Variants in HDAC9 observed in about 807,000 individuals in gnomAD.
HDAC9 encodes the protein histone deacetylase 9, also known as MEF-2 interacting transcription repressor (MITR) protein.
HDAC9 carries 41 observed loss-of-function variants against 139.4 expected under a neutral mutation model. That is an observed-to-expected ratio of 0.29 (90% CI 0.23 to 0.38). HDAC9 has a LOEUF of 0.38. Among genes scored for constraint, HDAC9 ranks in the 10% least tolerant of loss-of-function variants. The pLI is 1.00. For synonymous variants in HDAC9, 517 were observed against 476.2 expected (o/e 1.09, Z -1.12); for missense variants, 1,147 against 1,297.0 (o/e 0.88, Z 1.78).
At chr7:18,864,066 T>C (rs1265930162) in intron 21 of HDAC9, among the ~76,000 whole-genome samples, 3 of 152,334 alleles carry the variant, frequency 2.0e-5, no homozygotes, top group African/African-American at 7.2e-5. Flanking sequence ...ACATAGTAAC[T>C]GCACCATTTT....
At chr7:18,556,926 G>A (rs1263169676) in intron 2 of HDAC9, among the ~76,000 whole-genome samples, 1 of 151,908 alleles carries the variant, frequency 6.6e-6, no homozygotes, top group Non-Finnish European at 1.5e-5. Flanking sequence ...TTGCTTATTG[G>A]TTTATTCAGT....
chr7:18,828,523 A>C (rs1795620731), intron 17 of HDAC9, among the ~76,000 whole-genome samples: 1 of 152,222 alleles, frequency 6.6e-6, no homozygotes, highest in African/African-American at 2.4e-5. Flanking sequence ...AAAATTCCAG[A>C]ATGCAGGCTA....
chr7:18,195,272 C>T (rs1790644067), intron 2 of HDAC9, among the ~76,000 whole-genome samples: 1 of 152,024 alleles, frequency 6.6e-6, no homozygotes, highest in African/African-American at 2.4e-5. Context: ...ATTTTGGAGT[C>T]AAGAATTTAT....
At chr7:18,734,211 A>G (rs1786668060) in intron 13 of HDAC9, among the ~76,000 whole-genome samples, 1 of 152,084 alleles carries the variant, frequency 6.6e-6, no homozygotes, top group Non-Finnish European at 1.5e-5. Flanking sequence ...ATTATTATAT[A>G]TTATAGTGAT....
At position 18,997,254 on chromosome 7, in the gene HDAC9, G is replaced by A. The variant is rs1405243499; in HGVS notation, c.*1192G>A. 1.3e-5 allele frequency: 2 copies of A among 149,882 alleles called. No individual in the cohort carries two copies. The highest frequency in any genetic ancestry group is 3.0e-5 in the Non-Finnish European group (2 of 67,722). The allele number at this position is 149,882 out of a possible 1,614,324, so 9.3% of individuals were successfully genotyped here. A position where few individuals can be genotyped will look rare whatever the true frequency, so the allele number is the denominator to read the frequency against. ...GTGTTAATGAAGGCACTGCTTATTT[G>A]TAGTCACCTTGAACTGACTTAACCT... On this transcript the variant is annotated 3_prime_UTR_variant, in exon 26 of 26. Transcript: ENST00000686413.
intron 6 of HDAC9, among the ~76,000 whole-genome samples, chr7:18,626,760 G>C (rs1216807831): frequency 6.6e-6 from 1 of 152,162 alleles, no homozygotes; most frequent in Non-Finnish European, 1.5e-5. Flanking sequence ...AGGAGTGAAA[G>C]CTATCTGCTG....
At chr7:18,811,532 T>A (rs1204810690) in intron 17 of HDAC9, among the ~76,000 whole-genome samples, 2 of 151,798 alleles carry the variant, frequency 1.3e-5, no homozygotes, top group African/African-American at 4.8e-5. Context: ...TACTTGGGCA[T>A]TTTTTCAGCT....
At chr7:18,791,874 C>G (rs573211617) in intron 16 of HDAC9, among the ~76,000 whole-genome samples, 4 of 152,094 alleles carry the variant, frequency 2.6e-5, no homozygotes, top group Non-Finnish European at 5.9e-5. Context: ...TCACTAAAAT[C>G]GTATGCAGAT....
At chr7:18,955,071 G>A (rs1783056989) in intron 24 of HDAC9, among the ~76,000 whole-genome samples, 1 of 151,968 alleles carries the variant, frequency 6.6e-6, no homozygotes, top group Admixed American at 6.6e-5. Context: ...TGTGACTGAG[G>A]GCTATATGTA....
At chr7:18,709,913 G>T (rs906772904) in intron 12 of HDAC9, among the ~76,000 whole-genome samples, 1 of 152,132 alleles carries the variant, frequency 6.6e-6, no homozygotes, top group Admixed American at 6.5e-5. Flanking sequence ...ACACTCAGGG[G>T]TGTCTTCTGA....
intron 1 of HDAC9, among the ~76,000 whole-genome samples, chr7:18,125,484 C>G (rs533279992): frequency 7.9e-5 from 12 of 151,922 alleles, no homozygotes; most frequent in Non-Finnish European, 1.3e-4. Flanking sequence ...TGAGGACTGG[C>G]TCATGATATA....
At chr7:18,571,611 A>T (rs956846204) in intron 2 of HDAC9, among the ~76,000 whole-genome samples, 22 of 151,732 alleles carry the variant, frequency 1.4e-4, no homozygotes, top group Non-Finnish European at 4.4e-5. Context: ...TTAAAACTTT[A>T]TTTTATTTTT....
chr7:18,174,238 A>G (rs1339971840), intron 2 of HDAC9, among the ~76,000 whole-genome samples: 1 of 152,048 alleles, frequency 6.6e-6, no homozygotes, highest in Non-Finnish European at 1.5e-5. Context: ...ACTTGATCGA[A>G]TCGGCTATTG....
intron 22 of HDAC9, among the ~76,000 whole-genome samples, chr7:18,894,768 C>T (rs1472889769): frequency 2.0e-5 from 3 of 151,994 alleles, no homozygotes; most frequent in Non-Finnish European, 4.4e-5. Context: ...AAAATTGATG[C>T]TGCTGTAAAA....
chr7:18,371,492 T>G (rs772263398), intron 1 of HDAC9, among the ~76,000 whole-genome samples: 1 of 152,194 alleles, frequency 6.6e-6, no homozygotes, highest in Non-Finnish European at 1.5e-5. Flanking sequence ...TAGTATAAGA[T>G]AGTCTATTTT....
intron 2 of HDAC9, among the ~76,000 whole-genome samples, chr7:18,542,290 G>T (rs557120816): frequency 5.9e-5 from 9 of 152,258 alleles, no homozygotes; most frequent in African/African-American, 2.2e-4. Flanking sequence ...TGCTTTGATA[G>T]CTGTGGAACT....
At chr7:18,168,876 CTTGTT>C (rs1157058639) in intron 2 of HDAC9, among the ~76,000 whole-genome samples, 2 of 68,422 alleles carry the variant, frequency 2.9e-5, no homozygotes, top group African/African-American at 1.3e-4. Context: ...GTGCAAATGT[CTTGTT>C]TTTTTTTTTT....
At chr7:18,365,480 A>C (rs1163626794) in intron 1 of HDAC9, among the ~76,000 whole-genome samples, 1 of 152,138 alleles carries the variant, frequency 6.6e-6, no homozygotes, top group Non-Finnish European at 1.5e-5. Context: ...ATTGAGTAGA[A>C]ATAAAGAACT....
intron 1 of HDAC9, among the ~76,000 whole-genome samples, chr7:18,161,283 A>G (rs1042559761): frequency 1.3e-4 from 20 of 152,216 alleles, no homozygotes; most frequent in Non-Finnish European, 2.2e-4. Context: ...CAAAGAAAAT[A>G]TGTATTTATA....
Sources: allele counts gnomAD v4.1 joint callset (sites outside exome capture counted in the v4.1 genomes callset), GRCh38; gene constraint gnomAD v4.1.1; transcripts MANE v1.5; gene names NCBI Gene and HGNC (gene_info 2026-07-23, HGNC 2026-07-21).